The following CATSPERT variants were observed in gnomAD, a reference collection of about 807,000 sequenced individuals.
CATSPERT encodes the protein cation channel sperm-associated targeting subunit tau.
chr2:201,612,554 A>C, the CATSPERT span, among the ~76,000 whole-genome samples: 1 of 128,980 alleles, frequency 7.8e-6, no homozygotes, highest in African/African-American at 2.9e-5. Flanking sequence ...AGCCTGGGGG[A>C]GGGCGACAGA....
At chr2:201,545,646 A>AAAAAAAAAAAAAAAAAAAT in the CATSPERT span, 1 of 835,984 alleles carries the variant, frequency 1.2e-6, no homozygotes, top group South Asian at 2.3e-5. Flanking sequence ...AAAAAAAAAA[A>AAAAAAAAAAAAAAAAAAAT]AAAAAAAGAA....
chr2:201,584,173 C>T, the CATSPERT span, among the ~76,000 whole-genome samples: 1 of 151,974 alleles, frequency 6.6e-6, no homozygotes, highest in African/African-American at 2.4e-5. Flanking sequence ...GTCTTTAGTC[C>T]CAGCTACTCA....
the CATSPERT span, among the ~76,000 whole-genome samples, chr2:201,605,481 C>G: frequency 9.2e-5 from 14 of 152,090 alleles, no homozygotes; most frequent in South Asian, 2.3e-3. Context: ...CCAGAAAAAC[C>G]GAAGAGAACA....
the CATSPERT span, among the ~76,000 whole-genome samples, chr2:201,552,076 G>A: frequency 6.7e-6 from 1 of 149,550 alleles, no homozygotes; most frequent in South Asian, 2.1e-4. Context: ...GTGTGATCTC[G>A]GCTCCACCCC....
the CATSPERT span, among the ~76,000 whole-genome samples, chr2:201,618,728 T>TA: frequency 7.2e-6 from 1 of 139,538 alleles, no homozygotes; most frequent in African/African-American, 2.6e-5. Flanking sequence ...AAAATAAAAA[T>TA]AAAAAAAAGG....
At chr2:201,551,907 TA>T in the CATSPERT span, among the ~76,000 whole-genome samples, 618 of 132,652 alleles carry the variant, frequency 4.7e-3, 2 homozygotes, top group African/African-American at 8.9e-3. Flanking sequence ...AAACTCCGTC[TA>T]AAAAAAAAAA....
chr2:201,582,340 T>C, the CATSPERT span: 6 of 924,126 alleles, frequency 6.5e-6, no homozygotes, highest in Non-Finnish European at 4.6e-6. Flanking sequence ...TATTGCATAC[T>C]ATATTATGCA....
At chr2:201,547,478 T>C in the CATSPERT span, 1 of 1,200,730 alleles carries the variant, frequency 8.3e-7, no homozygotes, top group Non-Finnish European at 1.2e-6. Context: ...AAAAGCTATA[T>C]ATAGGAGAAT....
At chr2:201,601,996 G>A in the CATSPERT span, 1 of 719,758 alleles carries the variant, frequency 1.4e-6, no homozygotes, top group Non-Finnish European at 2.1e-6. Flanking sequence ...CAATCATGTA[G>A]CATTAAACAA....
At chr2:201,497,015 A>G in the CATSPERT span, among the ~76,000 whole-genome samples, 689 of 152,324 alleles carry the variant, frequency 4.5e-3, 6 homozygotes, top group Non-Finnish European at 7.1e-3. Context: ...ACATCTCTTC[A>G]CAGAACACTT....
chr2:201,582,352 A>G, the CATSPERT span: 1 of 855,716 alleles, frequency 1.2e-6, no homozygotes, highest in Non-Finnish European at 1.7e-6. Flanking sequence ...TATTATGCAA[A>G]TAAATATTAT....
At chr2:201,522,097 A>G in the CATSPERT span, among the ~76,000 whole-genome samples, 1 of 152,206 alleles carries the variant, frequency 6.6e-6, no homozygotes, top group Non-Finnish European at 1.5e-5. Flanking sequence ...TAAGAACTGG[A>G]ACAAGACACC....
the CATSPERT span, among the ~76,000 whole-genome samples, chr2:201,499,911 A>G: frequency 6.7e-6 from 1 of 148,492 alleles, no homozygotes; most frequent in Non-Finnish European, 1.5e-5. Context: ...TATGATATAT[A>G]TATATCCAAT....
chr2:201,525,961 G>C, the CATSPERT span, among the ~76,000 whole-genome samples: 2 of 152,034 alleles, frequency 1.3e-5, no homozygotes, highest in Middle Eastern at 3.4e-3. Context: ...TTCCAAAATT[G>C]AATCAGTAAT....
At chr2:201,598,062 G>C in the CATSPERT span, among the ~76,000 whole-genome samples, 1 of 151,944 alleles carries the variant, frequency 6.6e-6, no homozygotes, top group Non-Finnish European at 1.5e-5. Flanking sequence ...TCTTACTCCC[G>C]CCTGTATTAA....
At chr2:201,488,684 A>T in the CATSPERT span, among the ~76,000 whole-genome samples, 10 of 152,270 alleles carry the variant, frequency 6.6e-5, no homozygotes, top group East Asian at 1.5e-3. Flanking sequence ...CACCAAGGGA[A>T]TGGGCTGCTT....
the CATSPERT span, among the ~76,000 whole-genome samples, chr2:201,521,452 A>AG: frequency 0.091 from 12,273 of 135,070 alleles, 599 homozygotes; most frequent in Non-Finnish European, 0.12. Context: ...AGAGAGAGAG[A>AG]AAGAGACACA....
chr2:201,596,575 T>TA, the CATSPERT span, among the ~76,000 whole-genome samples: 6 of 151,274 alleles, frequency 4.0e-5, no homozygotes, highest in South Asian at 2.1e-4. Context: ...ACTTAAAAGT[T>TA]AAAAAAAAAT....
At chr2:201,504,037 C>T in the CATSPERT span, among the ~76,000 whole-genome samples, 39 of 152,204 alleles carry the variant, frequency 2.6e-4, no homozygotes, top group Non-Finnish European at 5.0e-4. Context: ...TCTACCTTAT[C>T]TTTCCAGTGG....
Sources: gnomAD v4.1 joint callset for allele counts (sites outside exome capture counted in the v4.1 genomes callset) on GRCh38, gnomAD v4.1.1 for gene constraint, MANE v1.5 for transcripts, NCBI Gene and HGNC (gene_info 2026-07-23, HGNC 2026-07-21) for gene names.